Variants in NUTM2D observed in about 807,000 individuals in gnomAD.
NUTM2D encodes NUT family member 2A pseudogene.
NUTM2D carries 2 observed loss-of-function variants against 43.5 expected under a neutral mutation model. The observed-to-expected ratio is 0.05, with a 90% CI of 0.02 to 0.14. The LOEUF (loss-of-function observed/expected upper bound fraction) is 0.14, where lower values mean the gene tolerates loss of function less well. Ranked by LOEUF, NUTM2D falls within the 10% of genes least tolerant of loss-of-function variation. The probability of loss-of-function intolerance (pLI) is 1.00; values close to 1 mark genes in which losing one functional copy is unlikely to be tolerated. For missense variants in NUTM2D, 48 were observed against 668.7 expected (o/e 0.07, Z 10.24); for synonymous variants, 24 against 276.6 (o/e 0.09, Z 9.06).
chr10:87,367,274 G>C, downstream of NUTM2D: 1 of 1,587,136 alleles, frequency 6.3e-7, no homozygotes, highest in South Asian at 1.1e-5. Context: ...CAGAGGAACT[G>C]GCAGATGCCA....
intron 1 of NUTM2D, among the ~76,000 whole-genome samples, chr10:87,359,979 G>C (rs1254101053): frequency 4.6e-5 from 7 of 150,914 alleles, no homozygotes; most frequent in African/African-American, 7.3e-5. Context: ...TTATGTCTGA[G>C]CTGGGAAAGA....
chr10:87,358,346 G>T lies in NUTM2D; in HGVS notation c.81G>T (p.Leu27=). The T allele has an allele frequency of 6.2e-7, 1 of 1,613,796 alleles. No homozygotes were observed. Residue 27 remains leucine (L), a synonymous_variant, in exon 1 of 7, where the codon CTG becomes CTT. Transcript: ENST00000381697. The part of the protein sequence containing the change: ...SGASGEPGHS[L]GLTLGFSHCG... ...CATCTGGTGAGCCAGGTCACTCTCT[G>T]GGTCTTACCCTTGGCTTTTCTCATT...
chr10:87,365,928 G>GT (rs1850292752), intron 6 of NUTM2D, 123 bp downstream of exon 6: 1 of 609,720 alleles, frequency 1.6e-6, no homozygotes, highest in Non-Finnish European at 2.9e-6. Flanking sequence ...TTCAGAGGGA[G>GT]TAGGATGGAC....
chr10:87,359,943 G>T (rs1408731710), intron 1 of NUTM2D, among the ~76,000 whole-genome samples: 2 of 152,242 alleles, frequency 1.3e-5, no homozygotes, highest in African/African-American at 4.8e-5. Flanking sequence ...GCTTGGGAAA[G>T]ATTTCCATCC....
In NUTM2D at chr10:87,364,887, G is replaced by A. The variant is rs1850277207; in HGVS notation, c.1202G>A (p.Arg401Lys). 1 of 698,470 alleles carries A rather than the reference G, an allele frequency of 1.4e-6. No homozygotes were observed. The highest frequency in any genetic ancestry group is 3.9e-5 in the Admixed American group (1 of 25,426). The allele number at this position is 698,470 out of a possible 1,614,324, so 43.3% of individuals were successfully genotyped here. Residue 401 changes from arginine (R) to lysine (K), a missense_variant, in exon 5 of 7, where the codon AGG becomes AAG. By Grantham distance (26) the Arg-to-Lys change is conservative (BLOSUM62 2). Coordinates refer to ENST00000381697, the MANE Select transcript of NUTM2D (RefSeq NM_001382304.1). ...TGCCTGCCACCACCCAGGCCCCAGA[G>A]GCCAGTGACCAAGGCCCGCCGGCCA... The part of the protein sequence containing the change: ...TACLPPPRPQ[R>K]PVTKARRPPP...
downstream of NUTM2D, chr10:87,367,244 A>T: frequency 7.2e-7 from 1 of 1,390,104 alleles, no homozygotes; most frequent in Admixed American, 1.8e-5. Flanking sequence ...TGCTCCGTGG[A>T]GGGTGTCTGT....
In NUTM2D at chr10:87,358,426, A is replaced by G; in HGVS notation, c.161A>G (p.Asn54Ser). The G allele has an allele frequency of 6.2e-7, 1 of 1,613,988 alleles. No individual in the cohort carries two copies. Among genetic ancestry groups the G allele is most frequent in the Non-Finnish European group, 8.5e-7 (1 of 1,180,008 alleles). Reference protein sequence around the residue: ...VSAQPEGMASNGAYPALGPGV... With the variant: ...VSAQPEGMASSGAYPALGPGV... ...GCCCAGCCTGAGGGGATGGCTTCAA[A>G]TGGAGGTAAGCCTGTAGGGATGGGG... The change falls in exon 1 of 7, where the codon AAT becomes AGT. Residue 54 changes from asparagine to serine, a missense_variant. Physicochemically the swap from Asn to Ser is conservative, Grantham distance 46. Transcript: ENST00000381697.
In NUTM2D at chr10:87,359,804, A is replaced by G. The variant is rs1850246896; in HGVS notation, c.167-677A>G. On this transcript the variant is annotated intron_variant, in intron 1 of 6. Coordinates refer to ENST00000381697, the MANE Select transcript of NUTM2D (RefSeq NM_001382304.1). ...AGCTTCCTGAGTGGCAGCCGGGACC[A>G]TCGAGTACTGCGGAAAGGGTGGCCC... 2.0e-5 allele frequency among the ~76,000 whole-genome samples: 3 copies of G among 150,024 alleles called. No individual in the cohort carries two copies. The South Asian group carries it at 6.3e-4, about 31-fold the overall frequency.
downstream of NUTM2D, chr10:87,369,672 A>G (rs1850335972): frequency 6.6e-6 from 1 of 151,822 alleles, no homozygotes; most frequent in Non-Finnish European, 1.5e-5. Flanking sequence ...GAATCTGTAA[A>G]TACCCATGAT....
chr10:87,370,633 T>C (rs1276212046), downstream of NUTM2D: 1 of 152,186 alleles, frequency 6.6e-6, no homozygotes, highest in African/African-American at 2.4e-5. Flanking sequence ...TTTTAACTGG[T>C]TTGTGTTTTG....
Position 87,358,264 on chromosome 10 carries a change from C to T in NUTM2D, c.-2C>T. 6.2e-7 allele frequency: 1 copy of T among 1,612,420 alleles called. No individual in the cohort carries two copies. The highest frequency in any genetic ancestry group is 8.5e-7 in the Non-Finnish European group (1 of 1,179,894). ...CCCCCTCTGCAGAATGTCTGGGGTC[C>T]TATGTTCCAGGAACCTGTTTACTTT... is the stretch of plus-strand genomic sequence containing the variant. On this transcript the variant is annotated 5_prime_UTR_variant, in exon 1 of 7. Transcript: ENST00000381697.
downstream of NUTM2D, chr10:87,367,331 T>G (rs775225708): frequency 3.7e-6 from 6 of 1,609,438 alleles, no homozygotes; most frequent in Non-Finnish European, 5.1e-6. Context: ...CCTCCTGACG[T>G]AGGGAGCCCC....
intron 2 of NUTM2D, 143 bp downstream of exon 2, chr10:87,361,323 A>T: frequency 4.4e-6 from 1 of 225,556 alleles, no homozygotes; most frequent in Non-Finnish European, 7.3e-6. Context: ...GTACATTTTC[A>T]ACAATATTAA....
At chr10:87,358,591 G>A (rs1218309558) in intron 1 of NUTM2D, among the ~76,000 whole-genome samples, 160 bp downstream of exon 1, 4 of 150,056 alleles carry the variant, frequency 2.7e-5, no homozygotes, top group African/African-American at 7.5e-5. Context: ...GATGGCCATG[G>A]CACCCTGAGT....
At chr10:87,364,185 G>T (rs1554844049) in intron 3 of NUTM2D, 54 bp from the exon 4 acceptor site, 2 of 12,334 alleles carry the variant, frequency 1.6e-4, no homozygotes, top group East Asian at 0.011. Context: ...GCCTGGTCCT[G>T]GGGGGAGGGG....
Position 87,358,193 on chromosome 10 carries a change from C to T in NUTM2D, c.-73C>T, listed in dbSNP as rs751260220. 1 of 1,612,028 alleles carries T rather than the reference C, an allele frequency of 6.2e-7. No homozygotes were observed. Among genetic ancestry groups the T allele is most frequent in the Non-Finnish European group, 8.5e-7 (1 of 1,179,888 alleles). ...TCAGGTTCTTGCCTAATGGCCGAAG[C>T]CCTTCACAGAATGTCCCCCACCCCT... On this transcript the variant is annotated 5_prime_UTR_variant, in exon 1 of 7. Coordinates refer to ENST00000381697, the MANE Select transcript of NUTM2D (RefSeq NM_001382304.1).
At position 87,365,296 on chromosome 10, in the gene NUTM2D, A is replaced by G. The variant is rs1850284102; in HGVS notation, c.1518+93A>G. The G allele has an allele frequency of 4.5e-6, 7 of 1,570,340 alleles. No individual in the cohort carries two copies. The East Asian group carries it at 1.6e-4, about 35-fold the overall frequency. On this transcript the variant is annotated intron_variant, in intron 5 of 6. Coordinates refer to ENST00000381697, the MANE Select transcript of NUTM2D (RefSeq NM_001382304.1). ...AAGCTCTGTTCCTTAGCTACTCAGCAGTGTGTGTATTTCCAAGGATTTGAG... is the reference window on the plus strand; with the variant it reads ...AAGCTCTGTTCCTTAGCTACTCAGCGGTGTGTGTATTTCCAAGGATTTGAG...
downstream of NUTM2D, chr10:87,370,110 G>A (rs368194141): frequency 1.4e-3 from 216 of 152,310 alleles, no homozygotes; most frequent in Middle Eastern, 0.02. Context: ...ATTTCCAATG[G>A]CATCTACATT....
In NUTM2D at chr10:87,366,481, G is replaced by GC; in HGVS notation, c.1978_1979insC (p.Asp660AlafsTer23). The GC allele has an allele frequency of 1.1e-6, 1 of 874,566 alleles. No individual in the cohort carries two copies. Among genetic ancestry groups the GC allele is most frequent in the Non-Finnish European group, 1.9e-6 (1 of 530,416 alleles). The allele number at this position is 874,566 out of a possible 1,614,324, so 54.2% of individuals were successfully genotyped here. A position where few individuals can be genotyped will look rare whatever the true frequency, so the allele number is the denominator to read the frequency against. The stretch of plus-strand genomic sequence containing the variant: ...CACCTGCCCTGGCGTGGGTACCAAG[G>GC]ATGCCTTGGATCTCCCTGGAGGGTC... On this transcript the variant is annotated frameshift_variant, in exon 7 of 7. Transcript: ENST00000381697. LOFTEE classifies it high-confidence loss of function.
Sources: allele counts gnomAD v4.1 joint callset (sites outside exome capture counted in the v4.1 genomes callset), GRCh38; gene constraint gnomAD v4.1.1; transcripts MANE v1.5; gene names NCBI Gene and HGNC (gene_info 2026-07-23, HGNC 2026-07-21).